Variants in LRRTM4 observed in about 807,000 individuals in gnomAD.
The protein encoded by LRRTM4 is leucine-rich repeat transmembrane neuronal protein 4.
A neutral mutation model predicts 47.6 loss-of-function variants in LRRTM4; 25 were observed. The observed-to-expected ratio is 0.53, with a 90% CI of 0.38 to 0.73. The LOEUF (loss-of-function observed/expected upper bound fraction) is 0.73. Ranked by LOEUF, LRRTM4 falls within the 30% of genes least tolerant of loss-of-function variation. The pLI is 0.00. For missense variants in LRRTM4, 638 were observed against 713.4 expected, an observed-to-expected ratio of 0.89 and a Z score of 1.20; for synonymous variants, 311 against 269.5, an observed-to-expected ratio of 1.15 and a Z score of -1.51.
At chr2:77,469,142 G>T (rs1343414711) in intron 3 of LRRTM4, among the ~76,000 whole-genome samples, 1 of 152,222 alleles carries the variant, frequency 6.6e-6, no homozygotes, top group Non-Finnish European at 1.5e-5. Context: ...AAGAGGGAAA[G>T]AGGTTAGCTT....
At chr2:76,929,859 A>AT (rs553208144) in intron 3 of LRRTM4, among the ~76,000 whole-genome samples, 135 of 152,226 alleles carry the variant, frequency 8.9e-4, no homozygotes, top group Non-Finnish European at 1.4e-3. Context: ...GAATATAAAT[A>AT]TTTTTAAAAG....
chr2:76,805,243 C>T (rs1364032192), intron 3 of LRRTM4, among the ~76,000 whole-genome samples: 1 of 152,082 alleles, frequency 6.6e-6, no homozygotes, highest in East Asian at 1.9e-4. Flanking sequence ...TGTGTACAAA[C>T]ATCCCAATTG....
chr2:76,765,994 G>T (rs1673438875), intron 3 of LRRTM4, among the ~76,000 whole-genome samples: 1 of 152,194 alleles, frequency 6.6e-6, no homozygotes, highest in African/African-American at 2.4e-5. Flanking sequence ...TTGAGTGGTG[G>T]CTTTAGTGGA....
chr2:77,518,487 G>C lies in LRRTM4; in HGVS notation c.1382C>G (p.Ser461Cys), dbSNP rs1410709096. Residue 461 changes from serine (S) to cysteine (C), a missense_variant, in exon 3 of 4, where the codon TCT (serine) becomes TGT (cysteine). By Grantham distance (112) the Ser-to-Cys change is moderately radical. Coordinates refer to ENST00000409884, the MANE Select transcript of LRRTM4 (RefSeq NM_001134745.3). ...PASMKQLQQH[S>C]LMKRRRKKAR... ...CTTTTTCCGCCGCCTCTTCATAAGA[G>C]AGTGTTGCTGGAGTTGTTTCATGCT... The C allele has an allele frequency of 6.2e-7, 1 of 1,613,420 alleles. No individual in the cohort carries two copies.
chr2:77,346,208 T>A (rs1271548805), intron 3 of LRRTM4, among the ~76,000 whole-genome samples: 1 of 151,974 alleles, frequency 6.6e-6, no homozygotes, highest in Non-Finnish European at 1.5e-5. Flanking sequence ...TAGGGACAAG[T>A]TGATACAATA....
intron 3 of LRRTM4, among the ~76,000 whole-genome samples, chr2:77,088,458 C>G (rs1204826845): frequency 6.6e-6 from 1 of 152,164 alleles, no homozygotes; most frequent in Non-Finnish European, 1.5e-5. Context: ...AGCACCCCGA[C>G]TGAGCACCTT....
intron 3 of LRRTM4, among the ~76,000 whole-genome samples, chr2:76,945,132 T>A (rs1331115729): frequency 6.6e-6 from 1 of 152,048 alleles, no homozygotes; most frequent in African/African-American, 2.4e-5. Flanking sequence ...ACACAAAATA[T>A]AAGTATGTAA....
At chr2:77,049,157 T>TATATATACAC (rs1351971551) in intron 3 of LRRTM4, among the ~76,000 whole-genome samples, 42 of 106,326 alleles carry the variant, frequency 4.0e-4, no homozygotes, top group African/African-American at 1.6e-3. Context: ...TATATATATA[T>TATATATACAC]ACACACACAC....
Position 77,236,993 on chromosome 2 carries a change from T to G in LRRTM4, c.1551+281325A>C, listed in dbSNP as rs185025314. On this transcript the variant is annotated intron_variant, in intron 3 of 3. Coordinates refer to ENST00000409884, the MANE Select transcript of LRRTM4 (RefSeq NM_001134745.3). ...ATTGGCCTGTGGTTTTCTTTGTTTG[T>G]TGTATCTTTGACAACTTTTGGTAGC... Among the ~76,000 whole-genome samples, 361 of 152,238 alleles carry G rather than the reference T, an allele frequency of 2.4e-3. 2 individuals carry two copies. Among genetic ancestry groups the G allele is most frequent in the Middle Eastern group, 0.017 (5 of 294 alleles).
At chr2:76,832,314 T>G (rs1306515309) in intron 3 of LRRTM4, among the ~76,000 whole-genome samples, 1 of 152,056 alleles carries the variant, frequency 6.6e-6, no homozygotes, top group Non-Finnish European at 1.5e-5. Flanking sequence ...TCACATGTAT[T>G]CAGATTGATT....
chr2:77,040,205 T>C (rs756003387), intron 3 of LRRTM4, among the ~76,000 whole-genome samples: 3 of 151,306 alleles, frequency 2.0e-5, no homozygotes, highest in Non-Finnish European at 3.0e-5. Flanking sequence ...TAAAATATAA[T>C]TGTTCTTCCC....
At chr2:77,047,730 T>C (rs1236654911) in intron 3 of LRRTM4, among the ~76,000 whole-genome samples, 1 of 152,076 alleles carries the variant, frequency 6.6e-6, no homozygotes, top group African/African-American at 2.4e-5. Context: ...CCAAATCAAT[T>C]CACATTCTGA....
intron 3 of LRRTM4, among the ~76,000 whole-genome samples, chr2:77,025,671 T>C (rs1370484592): frequency 2.0e-5 from 3 of 152,132 alleles, no homozygotes; most frequent in Non-Finnish European, 4.4e-5. Flanking sequence ...GTAGAAGCAG[T>C]GATGACAAAA....
chr2:76,897,834 C>A (rs540963166), intron 3 of LRRTM4, among the ~76,000 whole-genome samples: 7 of 152,260 alleles, frequency 4.6e-5, no homozygotes, highest in African/African-American at 1.4e-4. Flanking sequence ...CATCTCCATT[C>A]CTGCCTGGCC....
chr2:77,342,925 G>A (rs1020489800), intron 3 of LRRTM4, among the ~76,000 whole-genome samples: 1 of 151,906 alleles, frequency 6.6e-6, no homozygotes, highest in African/African-American at 2.4e-5. Flanking sequence ...TGGGCCATAA[G>A]CACCTCTCTC....
intron 3 of LRRTM4, among the ~76,000 whole-genome samples, chr2:77,440,795 A>T (rs1675810622): frequency 6.6e-6 from 1 of 152,228 alleles, no homozygotes; most frequent in Non-Finnish European, 1.5e-5. Context: ...GCCCTAAAAA[A>T]TTTCAGATGG....
chr2:76,929,498 T>A (rs951132621), intron 3 of LRRTM4, among the ~76,000 whole-genome samples: 5 of 152,208 alleles, frequency 3.3e-5, no homozygotes, highest in African/African-American at 4.8e-5. Flanking sequence ...GAACTGATAA[T>A]TTTAGACCTG....
intron 3 of LRRTM4, among the ~76,000 whole-genome samples, chr2:76,875,013 A>C (rs1317819980): frequency 1.3e-5 from 2 of 151,860 alleles, no homozygotes; most frequent in Non-Finnish European, 2.9e-5. Context: ...AATATCTCTG[A>C]TCTGTTTTAC....
chr2:77,004,329 C>T (rs558892302), intron 3 of LRRTM4, among the ~76,000 whole-genome samples: 2 of 152,166 alleles, frequency 1.3e-5, no homozygotes, highest in Non-Finnish European at 2.9e-5. Flanking sequence ...TACTTGGTCC[C>T]CTGCATCCCA....
Sources: gnomAD v4.1 joint callset for allele counts (sites outside exome capture counted in the v4.1 genomes callset) on GRCh38, gnomAD v4.1.1 for gene constraint, MANE v1.5 for transcripts, NCBI Gene and HGNC (gene_info 2026-07-23, HGNC 2026-07-21) for gene names.